The following SCARB1 variants were observed in gnomAD, a reference collection of about 807,000 sequenced individuals.
SCARB1 encodes the protein scavenger receptor class B member 1.
In SCARB1, 30 loss-of-function variants were observed where a neutral mutation model predicts 57.2. The ratio of observed to expected loss-of-function variants is 0.52; its 90% CI spans 0.39 to 0.71. The LOEUF (loss-of-function observed/expected upper bound fraction) is 0.71. SCARB1 is among the 30% of genes least tolerant of loss of function. The pLI is 0.00. For synonymous variants in SCARB1, 249 were observed against 268.3 expected, an observed-to-expected ratio of 0.93 and a Z score of 0.70; for missense variants, 543 against 671.2, an observed-to-expected ratio of 0.81 and a Z score of 2.11.
chr12:124,848,731 T>C (rs1952264007), intron 1 of SCARB1, among the ~76,000 whole-genome samples: 1 of 152,250 alleles, frequency 6.6e-6, no homozygotes, highest in Non-Finnish European at 1.5e-5. Flanking sequence ...CGAGCCGTGG[T>C]ACATCCGCAC....
intron 12 of SCARB1, among the ~76,000 whole-genome samples, chr12:124,780,063 G>T (rs926431618): frequency 6.6e-6 from 1 of 152,200 alleles, no homozygotes; most frequent in African/African-American, 2.4e-5. Flanking sequence ...GAAGACACGT[G>T]GAACAAAACC....
intron 11 of SCARB1, chr12:124,785,941 G>A: frequency 2.2e-6 from 2 of 896,130 alleles, no homozygotes; most frequent in East Asian, 2.7e-5. Context: ...GTTTTCATCT[G>A]TCTCCCCGGC....
Position 124,807,731 on chromosome 12 carries a change from C to T in SCARB1, c.1009+30G>A, listed in dbSNP as rs370474266. Reference sequence around the variant, plus strand: ...AGCTGGCCCCACCCTCACACCCTCCCGCCATCCCAGCACAGGGGACGGCAC... The same window carrying T: ...AGCTGGCCCCACCCTCACACCCTCCTGCCATCCCAGCACAGGGGACGGCAC... On this transcript the variant is annotated intron_variant, in intron 7 of 12. Transcript: ENST00000261693. This position sits in a 1 kb window ranked among gnomAD's most constrained non-coding sequence, Gnocchi z 5.3. 45 of 1,612,354 alleles carry T rather than the reference C, an allele frequency of 2.8e-5. No homozygotes were observed. Among genetic ancestry groups the T allele is most frequent in the Middle Eastern group, 1.7e-4 (1 of 5,956 alleles).
In SCARB1 at chr12:124,777,346, G is replaced by A. The variant is rs1872586357; in HGVS notation, c.*1241C>T. Reference sequence around the variant, plus strand: ...CAGAAACACATCCAGGGGGCCCCATGCAAAAGTGGCAAAAGCGTCTGCACT... The same window carrying A: ...CAGAAACACATCCAGGGGGCCCCATACAAAAGTGGCAAAAGCGTCTGCACT... On this transcript the variant is annotated 3_prime_UTR_variant, in exon 13 of 13. Transcript: ENST00000261693. The A allele has an allele frequency of 1.3e-5, 2 of 152,194 alleles. No homozygotes were observed. Among genetic ancestry groups the A allele is most frequent in the Admixed American group, 1.3e-4 (2 of 15,270 alleles). 9.4% of individuals were successfully genotyped at this position (152,194 alleles called of 1,614,324 possible).
intron 9 of SCARB1, among the ~76,000 whole-genome samples, chr12:124,790,377 T>TCAACAACAACAACAACAACAACAA (rs560643861): frequency 6.6e-6 from 1 of 151,766 alleles, no homozygotes; most frequent in African/African-American, 2.4e-5. Flanking sequence ...AGACTGTGTC[T>TCAACAACAACAACAACAACAACAA]CAACAACAAC....
At chr12:124,803,720 AATAAG>A (rs1950222935) in intron 7 of SCARB1, among the ~76,000 whole-genome samples, 1 of 147,596 alleles carries the variant, frequency 6.8e-6, no homozygotes, top group Non-Finnish European at 1.5e-5. Context: ...AAAAAATTGA[AATAAG>A]ATAAAATAAA....
intron 1 of SCARB1, among the ~76,000 whole-genome samples, chr12:124,854,742 G>C (rs1952563118): frequency 6.6e-6 from 1 of 152,188 alleles, no homozygotes; most frequent in Non-Finnish European, 1.5e-5. Flanking sequence ...GCAACTGGAA[G>C]ATGGGGGGGC....
At chr12:124,856,681 C>T (rs995358645) in intron 1 of SCARB1, among the ~76,000 whole-genome samples, 5 of 152,224 alleles carry the variant, frequency 3.3e-5, no homozygotes, top group East Asian at 1.9e-4. Flanking sequence ...GGCTTTGCCC[C>T]ACATGTCCAA....
intron 9 of SCARB1, among the ~76,000 whole-genome samples, chr12:124,788,057 G>A (rs1393567041): frequency 6.6e-6 from 1 of 152,034 alleles, no homozygotes; most frequent in African/African-American, 2.4e-5. Context: ...TGCTATACAG[G>A]GTTCAGTACT....
intron 1 of SCARB1, among the ~76,000 whole-genome samples, chr12:124,838,940 A>G (rs187590714): frequency 6.6e-6 from 1 of 151,820 alleles, no homozygotes; most frequent in African/African-American, 2.4e-5. Flanking sequence ...ATGCCAGGCT[A>G]ATTTTTGTAT....
chr12:124,810,762 G>A lies in SCARB1; in HGVS notation c.727-473C>T, dbSNP rs142729327. 1.3e-5 allele frequency among the ~76,000 whole-genome samples: 2 copies of A among 152,280 alleles called. No individual in the cohort carries two copies. Among genetic ancestry groups the A allele is most frequent in the South Asian group, 2.1e-4 (1 of 4,808 alleles). ...ACTCTGGGGAGCGAGACCCAGACTC[G>A]ACAAAACCAACTGCTCACTTTCCAA... is the stretch of plus-strand genomic sequence containing the variant. On this transcript the variant is annotated intron_variant, in intron 5 of 12. Transcript: ENST00000261693. This position sits in a 1 kb window ranked among gnomAD's most constrained non-coding sequence, Gnocchi z 4.0.
intron 1 of SCARB1, among the ~76,000 whole-genome samples, chr12:124,861,050 A>T (rs1200572386): frequency 6.6e-6 from 1 of 152,154 alleles, no homozygotes; most frequent in Non-Finnish European, 1.5e-5. Context: ...AGGGGAATAA[A>T]ATGGGGGAAA....
intron 1 of SCARB1, among the ~76,000 whole-genome samples, chr12:124,855,133 G>C (rs1952576609): frequency 6.6e-6 from 1 of 152,198 alleles, no homozygotes; most frequent in Admixed American, 6.5e-5. Context: ...AGCGCCTCAA[G>C]GGTCCTTCTA....
chr12:124,817,449 T>C lies in SCARB1; in HGVS notation c.284+101A>G. On this transcript the variant is annotated intron_variant, in intron 2 of 12. Coordinates refer to ENST00000261693, the MANE Select transcript of SCARB1 (RefSeq NM_005505.5). This position sits in a 1 kb window ranked among gnomAD's most constrained non-coding sequence, Gnocchi z 4.8. ...TGACTTGCCTGCTTCCGGAACAATC[T>C]CTGGGGCTCAGTCAGCAGCCTCCCC... is the stretch of plus-strand genomic sequence containing the variant. The C allele has an allele frequency of 8.5e-7, 1 of 1,173,046 alleles. No homozygotes were observed. Among genetic ancestry groups the C allele is most frequent in the East Asian group, 2.8e-5 (1 of 35,932 alleles). 72.7% of individuals were successfully genotyped at this position (1,173,046 alleles called of 1,614,324 possible).
chr12:124,807,669 A>C lies in SCARB1; in HGVS notation c.1009+92T>G. 1.6e-6 allele frequency: 2 copies of C among 1,245,100 alleles called. No homozygotes were observed. Among genetic ancestry groups the C allele is most frequent in the Non-Finnish European group, 2.3e-6 (2 of 862,482 alleles). 77.1% of individuals were successfully genotyped at this position (1,245,100 alleles called of 1,614,324 possible). On this transcript the variant is annotated intron_variant, in intron 7 of 12. Coordinates refer to ENST00000261693, the MANE Select transcript of SCARB1 (RefSeq NM_005505.5). This position sits in a 1 kb window ranked among gnomAD's most constrained non-coding sequence, Gnocchi z 5.3. ...TGGGATTATCAAGAGTACAGAGGCC[A>C]GAGATTAAGCAGACAGCACTGGGCA... is the stretch of plus-strand genomic sequence containing the variant.
At chr12:124,837,544 AAAAG>A in intron 1 of SCARB1, among the ~76,000 whole-genome samples, 2 of 11,218 alleles carry the variant, frequency 1.8e-4, no homozygotes, top group Non-Finnish European at 4.1e-4. Flanking sequence ...GAAAGAAAAG[AAAAG>A]AAAAGAAAAG....
At chr12:124,846,920 G>C (rs1004119567) in intron 1 of SCARB1, among the ~76,000 whole-genome samples, 1 of 151,982 alleles carries the variant, frequency 6.6e-6, no homozygotes, top group Non-Finnish European at 1.5e-5. Flanking sequence ...AAAATACTGA[G>C]AGTATGCCTG....
At chr12:124,834,214 A>G (rs1156851103) in intron 1 of SCARB1, among the ~76,000 whole-genome samples, 1 of 152,252 alleles carries the variant, frequency 6.6e-6, no homozygotes, top group African/African-American at 2.4e-5. Context: ...CTCCCAAGCC[A>G]GTGAGCTCCC....
intron 9 of SCARB1, among the ~76,000 whole-genome samples, chr12:124,794,098 T>C (rs958888222): frequency 1.3e-5 from 2 of 152,114 alleles, no homozygotes; most frequent in African/African-American, 4.8e-5. Context: ...AATAGGTAAG[T>C]CCGCAGAGAC....
Sources: allele counts gnomAD v4.1 joint callset (sites outside exome capture counted in the v4.1 genomes callset), GRCh38; gene constraint gnomAD v4.1.1; non-coding constraint Gnocchi (gnomAD v3.1); transcripts MANE v1.5; gene names NCBI Gene and HGNC (gene_info 2026-07-23, HGNC 2026-07-21).